Variants in HAUS7 observed in about 807,000 individuals in gnomAD.
HAUS7 encodes the protein HAUS augmin like complex subunit 7, also known as HAUS augmin-like complex subunit 7.
HAUS7 carries 3 observed loss-of-function variants against 28.4 expected under a neutral mutation model. The ratio of observed to expected loss-of-function variants is 0.11; its 90% confidence interval spans 0.05 to 0.27. The LOEUF (loss-of-function observed/expected upper bound fraction) is 0.27. Ranked by LOEUF, HAUS7 falls within the 10% of genes least tolerant of loss-of-function variation. HAUS7 has a pLI of 1.00. For missense variants in HAUS7, 284 were observed against 297.3 expected (o/e 0.96, Z 0.33); for synonymous variants, 165 against 132.1 (o/e 1.25, Z -1.71).
chrX:153,479,854 A>T (rs968163328), intron 1 of HAUS7, among the ~76,000 whole-genome samples: 2 of 111,221 alleles, frequency 1.8e-5, no homozygotes, highest in Non-Finnish European at 3.8e-5. Flanking sequence ...CTGCAGACAG[A>T]GCGGTGCCCC....
chrX:153,490,051 G>A (rs923629325), intron 1 of HAUS7, among the ~76,000 whole-genome samples: 2 of 112,662 alleles, frequency 1.8e-5, no homozygotes, highest in Non-Finnish European at 3.8e-5. Flanking sequence ...GTCAGGGCTC[G>A]GGACAGGGCC....
intron 3 of HAUS7, among the ~76,000 whole-genome samples, chrX:153,464,271 T>A (rs1401553788): frequency 8.9e-6 from 1 of 112,635 alleles, no homozygotes. Flanking sequence ...GAATCTGGAA[T>A]GTACCAGACA....
intron 1 of HAUS7, chrX:153,486,790 C>T (rs782403642): frequency 4.1e-5 from 40 of 980,913 alleles, no homozygotes; most frequent in South Asian, 1.6e-4. Context: ...GCCCCAGCGG[C>T]GGGGGGAGGA....
intron 1 of HAUS7, among the ~76,000 whole-genome samples, chrX:153,476,196 C>G (rs1243212005): frequency 6.2e-5 from 7 of 112,403 alleles, no homozygotes; most frequent in African/African-American, 2.3e-4. Context: ...CAAATTGGGC[C>G]CAACCCTTTC....
chrX:153,456,418 A>G, intron 6 of HAUS7, 54 bp from the exon 7 acceptor site: 1 of 1,178,956 alleles, frequency 8.5e-7, no homozygotes, highest in Non-Finnish European at 1.2e-6. Context: ...GGGTGTCTGC[A>G]GTAACAGAAC....
At chrX:153,475,242 C>T (rs782653138), upstream of HAUS7, among the ~76,000 whole-genome samples, 3 of 112,376 alleles carry the variant, frequency 2.7e-5, no homozygotes, top group Non-Finnish European at 3.8e-5. Context: ...GCCCCCATCC[C>T]GACCACGGCC....
chrX:153,460,149 A>G (rs968239155), intron 4 of HAUS7, among the ~76,000 whole-genome samples: 1 of 111,941 alleles, frequency 8.9e-6, no homozygotes. Context: ...AACCTTGAAA[A>G]CCTTGTGCTC....
chrX:153,484,149 C>T (rs1413475788), intron 1 of HAUS7, among the ~76,000 whole-genome samples: 10 of 111,936 alleles, frequency 8.9e-5, no homozygotes, highest in Non-Finnish European at 1.7e-4. Flanking sequence ...TGTGGCTGCA[C>T]GTGGCCGTCT....
chrX:153,491,450 A>G (rs1322588142), intron 1 of HAUS7, among the ~76,000 whole-genome samples: 1 of 112,679 alleles, frequency 8.9e-6, no homozygotes, highest in Non-Finnish European at 1.9e-5. Flanking sequence ...ACACTGGCCA[A>G]GGAGATGGCA....
chrX:153,478,590 G>A (rs1467108916), intron 1 of HAUS7, among the ~76,000 whole-genome samples: 3 of 112,424 alleles, frequency 2.7e-5, no homozygotes, highest in East Asian at 5.6e-4. Context: ...GCCACAGAAC[G>A]TCAACTCTGC....
intron 2 of HAUS7, among the ~76,000 whole-genome samples, chrX:153,465,503 G>A (rs1436760658): frequency 1.3e-4 from 14 of 111,519 alleles, no homozygotes; most frequent in South Asian, 3.7e-4. Context: ...CTTCCCACCC[G>A]GCCCTCTGCA....
intron 7 of HAUS7, 72 bp downstream of exon 7, chrX:153,456,193 C>T: frequency 2.4e-6 from 2 of 822,319 alleles, no homozygotes; most frequent in Non-Finnish European, 3.6e-6. Context: ...GCCTAAGCCT[C>T]ACGTGCTGAG....
chrX:153,477,291 G>A (rs868984234), intron 1 of HAUS7, among the ~76,000 whole-genome samples: 5 of 113,535 alleles, frequency 4.4e-5, no homozygotes, highest in Non-Finnish European at 7.5e-5. Context: ...GGGGAGCGGC[G>A]CAAACAGGGG....
chrX:153,448,476 T>G (rs1317316722), intron 9 of HAUS7, among the ~76,000 whole-genome samples: 6 of 109,569 alleles, frequency 5.5e-5, no homozygotes, highest in Admixed American at 4.8e-4. Context: ...CACACCAACG[T>G]GGCACATGTA....
At chrX:153,470,727 C>T, upstream of HAUS7, 1 of 694,837 alleles carries the variant, frequency 1.4e-6, no homozygotes, top group Non-Finnish European at 2.1e-6. Flanking sequence ...GCTCCCACCC[C>T]CCGCCCCGGC....
intron 1 of HAUS7, among the ~76,000 whole-genome samples, chrX:153,492,763 G>A (rs186227409): frequency 1.2e-4 from 13 of 111,191 alleles, no homozygotes; most frequent in African/African-American, 3.6e-4. Flanking sequence ...TCCTTCCACC[G>A]GCAACTTCCC....
At chrX:153,470,849 A>G (rs1556985138), upstream of HAUS7, 1 of 381,430 alleles carries the variant, frequency 2.6e-6, no homozygotes, top group Admixed American at 3.0e-5. Context: ...CGGGGCGGAC[A>G]CCGGGAAAGG....
chrX:153,476,156 C>G (rs1160953387), intron 1 of HAUS7, among the ~76,000 whole-genome samples: 1 of 112,513 alleles, frequency 8.9e-6, no homozygotes, highest in Admixed American at 9.4e-5. Context: ...ACTCAGCCTG[C>G]TCCACCACAT....
intron 1 of HAUS7, among the ~76,000 whole-genome samples, chrX:153,488,603 C>A (rs1240172531): frequency 8.9e-6 from 1 of 112,632 alleles, no homozygotes; most frequent in Non-Finnish European, 1.9e-5. Context: ...AGATATGGCA[C>A]TTCCTGTTTG....
Sources: allele counts gnomAD v4.1 joint callset (sites outside exome capture counted in the v4.1 genomes callset), GRCh38; gene constraint gnomAD v4.1.1; transcripts MANE v1.5; gene names NCBI Gene and HGNC (gene_info 2026-07-23, HGNC 2026-07-21).